Variants in TMEM120B observed in about 807,000 individuals in gnomAD.
TMEM120B encodes transmembrane protein 120B.
TMEM120B carries 31 observed loss-of-function variants against 55.5 expected under a neutral mutation model. The observed-to-expected ratio is 0.56, with a 90% CI of 0.42 to 0.75. The LOEUF is 0.75. Among genes scored for constraint, TMEM120B ranks in the 30% least tolerant of loss-of-function variants. TMEM120B has a pLI of 0.00. For synonymous variants in TMEM120B, 203 were observed against 176.3 expected, an observed-to-expected ratio of 1.15 and a Z score of -1.20; for missense variants, 399 against 425.5, an observed-to-expected ratio of 0.94 and a Z score of 0.55.
chr12:121,755,525 G>A (rs965869380), intron 5 of TMEM120B, among the ~76,000 whole-genome samples: 2 of 152,346 alleles, frequency 1.3e-5, no homozygotes, highest in East Asian at 1.9e-4. Context: ...ATTTTGGCTC[G>A]AGTGGGCTTG....
chr12:121,738,978 G>A (rs1872836397), intron 1 of TMEM120B, among the ~76,000 whole-genome samples: 2 of 145,696 alleles, frequency 1.4e-5, no homozygotes, highest in African/African-American at 2.6e-5. Flanking sequence ...TTTGAGGTCA[G>A]GAGTTCCAGA....
chr12:121,750,271 C>A, intron 3 of TMEM120B, 109 bp from the exon 4 acceptor site: 2 of 1,058,500 alleles, frequency 1.9e-6, no homozygotes, highest in Non-Finnish European at 1.5e-6. Context: ...GGCCCCCTAT[C>A]TTCTAACATC....
intron 1 of TMEM120B, among the ~76,000 whole-genome samples, chr12:121,713,797 G>A (rs1165398814): frequency 6.6e-6 from 1 of 152,170 alleles, no homozygotes; most frequent in Non-Finnish European, 1.5e-5. Flanking sequence ...GACCAAGAGG[G>A]ACTCGGTGAC....
At chr12:121,719,463 A>T (rs965135808) in intron 1 of TMEM120B, among the ~76,000 whole-genome samples, 9 of 152,034 alleles carry the variant, frequency 5.9e-5, no homozygotes, top group African/African-American at 1.9e-4. Flanking sequence ...GCGTGCACCC[A>T]TGGTCCCACC....
intron 5 of TMEM120B, among the ~76,000 whole-genome samples, chr12:121,759,759 G>A (rs769330607): frequency 4.6e-5 from 7 of 152,058 alleles, no homozygotes; most frequent in Non-Finnish European, 1.0e-4. Context: ...ACTTTTGGGA[G>A]GCTGAGTTGG....
At chr12:121,736,521 T>A (rs185370694) in intron 1 of TMEM120B, among the ~76,000 whole-genome samples, 1 of 150,140 alleles carries the variant, frequency 6.7e-6, no homozygotes, top group Admixed American at 6.6e-5. Context: ...CCCAAAGTGC[T>A]GGGATTACAG....
At chr12:121,757,764 C>G (rs1202640118) in intron 5 of TMEM120B, among the ~76,000 whole-genome samples, 2 of 152,204 alleles carry the variant, frequency 1.3e-5, no homozygotes, top group East Asian at 3.8e-4. Context: ...GATCCACCCA[C>G]CTCGGCCTCC....
At chr12:121,715,653 T>A (rs1360438033) in intron 1 of TMEM120B, among the ~76,000 whole-genome samples, 5 of 152,094 alleles carry the variant, frequency 3.3e-5, no homozygotes, top group African/African-American at 9.7e-5. Context: ...GCCTGCTTGC[T>A]GCAGGCTTTG....
chr12:121,761,418 G>A (rs7968717), intron 5 of TMEM120B, among the ~76,000 whole-genome samples: 13,001 of 152,206 alleles, frequency 0.085, 995 homozygotes, highest in African/African-American at 0.2. Flanking sequence ...AGCTTGAAGC[G>A]CAGGTGGGAC....
chr12:121,779,383 C>A lies in TMEM120B; in HGVS notation c.*3661C>A. On this transcript the variant is annotated 3_prime_UTR_variant, in exon 12 of 12. Transcript: ENST00000449592. Reference sequence around the variant, plus strand: ...TTCCAGAATGTTCCAAGAGTCTAGCCGCAGGCCCCAGACACCATGAGCTGG... The same window carrying A: ...TTCCAGAATGTTCCAAGAGTCTAGCAGCAGGCCCCAGACACCATGAGCTGG... 8.8e-7 allele frequency: 1 copy of A among 1,136,754 alleles called. No individual in the cohort carries two copies. 70.4% of individuals were successfully genotyped at this position (1,136,754 alleles called of 1,614,324 possible).
At chr12:121,770,828 C>A in intron 6 of TMEM120B, 79 bp from the exon 7 acceptor site, 1 of 1,334,434 alleles carries the variant, frequency 7.5e-7, no homozygotes, top group Non-Finnish European at 1.1e-6. Flanking sequence ...ACCCCTGCTG[C>A]ATAGGTGGGG....
In TMEM120B at chr12:121,779,638, G is replaced by C; in HGVS notation, c.*3916G>C. 6.2e-7 allele frequency: 1 copy of C among 1,614,064 alleles called. No homozygotes were observed. Among genetic ancestry groups the C allele is most frequent in the Non-Finnish European group, 8.5e-7 (1 of 1,179,938 alleles). On this transcript the variant is annotated 3_prime_UTR_variant, in exon 12 of 12. Transcript: ENST00000449592. ...GAACATTCCAGGTAGAGAGCAGCTC[G>C]GATCTGTTCGCAGGCGCTCAGGCCC...
chr12:121,754,877 G>A lies in TMEM120B; in HGVS notation c.461+2654G>A, dbSNP rs550037263. ...TGGACGGGCCGTTCATCTCTGTGCC[G>A]GTGCCCCCGGGAAGCCTGCCCTGCT... On this transcript the variant is annotated intron_variant, in intron 5 of 11. Coordinates refer to ENST00000449592, the MANE Select transcript of TMEM120B (RefSeq NM_001080825.2). 2.6e-5 allele frequency among the ~76,000 whole-genome samples: 4 copies of A among 152,274 alleles called. No homozygotes were observed. The East Asian group carries it at 5.8e-4, about 22-fold the overall frequency.
Position 121,780,861 on chromosome 12 carries a change from C to T in TMEM120B, c.*5139C>T, listed in dbSNP as rs543170256. ...CCACGGCTGTGCCCCAGGGTCTTGGCCCCGGCCCACCTGCATGTAGGTGAT... is the reference window on the plus strand; with the variant it reads ...CCACGGCTGTGCCCCAGGGTCTTGGTCCCGGCCCACCTGCATGTAGGTGAT... On this transcript the variant is annotated 3_prime_UTR_variant, in exon 12 of 12. Transcript: ENST00000449592. The T allele has an allele frequency of 6.2e-7, 1 of 1,610,150 alleles. No homozygotes were observed. Among genetic ancestry groups the T allele is most frequent in the East Asian group, 2.2e-5 (1 of 44,866 alleles).
At position 121,743,751 on chromosome 12, in the gene TMEM120B, G is replaced by C. The variant is rs758507733; in HGVS notation, c.188+4G>C. On this transcript the variant is annotated splice_donor_region_variant and intron_variant, in intron 2 of 11. Transcript: ENST00000449592. ...ACTTGAAGCTTACACTCCAGAGGTA[G>C]GTGCAGCTGTAGCCCGGGGGCTGCC... is the stretch of plus-strand genomic sequence containing the variant. 1.2e-5 allele frequency: 20 copies of C among 1,607,446 alleles called. No individual in the cohort carries two copies. Among genetic ancestry groups the C allele is most frequent in the Admixed American group, 6.7e-5 (4 of 59,848 alleles).
At position 121,779,450 on chromosome 12, in the gene TMEM120B, G is replaced by C. The variant is rs376768557; in HGVS notation, c.*3728G>C. 6.3e-7 allele frequency: 1 copy of C among 1,593,608 alleles called. No individual in the cohort carries two copies. Among genetic ancestry groups the C allele is most frequent in the Non-Finnish European group, 8.5e-7 (1 of 1,172,352 alleles). On this transcript the variant is annotated 3_prime_UTR_variant, in exon 12 of 12. Coordinates refer to ENST00000449592, the MANE Select transcript of TMEM120B (RefSeq NM_001080825.2). The stretch of plus-strand genomic sequence containing the variant: ...AGCCTCCCTGGTGCAATCGGCACCT[G>C]GGCCCCCGGGCCCTGTCAGTGCTGT...
At position 121,779,252 on chromosome 12, in the gene TMEM120B, G is replaced by C; in HGVS notation, c.*3530G>C. On this transcript the variant is annotated 3_prime_UTR_variant, in exon 12 of 12. Coordinates refer to ENST00000449592, the MANE Select transcript of TMEM120B (RefSeq NM_001080825.2). ...GGGTGGCTGTGATGAGGGCACTTGC[G>C]AGTCCCGACAACAGACACTGGCTCC... is the stretch of plus-strand genomic sequence containing the variant. The C allele has an allele frequency of 1.8e-6, 1 of 548,184 alleles. No homozygotes were observed. The allele number at this position is 548,184 out of a possible 1,614,324, so 34.0% of individuals were successfully genotyped here.
At chr12:121,738,455 G>GGCCC (rs1447994058) in intron 1 of TMEM120B, among the ~76,000 whole-genome samples, 1 of 152,114 alleles carries the variant, frequency 6.6e-6, no homozygotes. Flanking sequence ...GAGGGGTGCG[G>GGCCC]GCCCCTTATC....
chr12:121,743,458 T>G (rs1359083715), intron 1 of TMEM120B, among the ~76,000 whole-genome samples, 171 bp from the exon 2 acceptor site: 1 of 151,040 alleles, frequency 6.6e-6, no homozygotes, highest in East Asian at 1.9e-4. Context: ...CTTGGGAGGC[T>G]GAGGCAGGAG....
Sources: gnomAD v4.1 joint callset for allele counts (sites outside exome capture counted in the v4.1 genomes callset) on GRCh38, gnomAD v4.1.1 for gene constraint, MANE v1.5 for transcripts, NCBI Gene and HGNC (gene_info 2026-07-23, HGNC 2026-07-21) for gene names.